Variants in KCNMB2 observed in about 807,000 individuals in gnomAD.
KCNMB2 encodes potassium calcium-activated channel subfamily M regulatory beta subunit 2.
A neutral mutation model predicts 24.5 loss-of-function variants in KCNMB2; 9 were observed. That is an observed-to-expected ratio of 0.37 (90% CI 0.22 to 0.64). KCNMB2 has a LOEUF of 0.64. Among genes scored for constraint, KCNMB2 ranks in the 30% least tolerant of loss-of-function variants. The pLI is 0.63. For synonymous variants in KCNMB2, 109 were observed against 104.4 expected, an observed-to-expected ratio of 1.04 and a Z score of -0.27; for missense variants, 226 against 284.3, an observed-to-expected ratio of 0.79 and a Z score of 1.47.
At chr3:178,594,051 CT>C (rs1346820232) in intron 1 of KCNMB2, among the ~76,000 whole-genome samples, 2 of 151,794 alleles carry the variant, frequency 1.3e-5, no homozygotes, top group Admixed American at 6.6e-5. Context: ...TCCCTCCCTC[CT>C]TACCTACCCA....
chr3:178,784,620 A>G (rs147874728), intron 1 of KCNMB2, among the ~76,000 whole-genome samples: 2 of 152,218 alleles, frequency 1.3e-5, no homozygotes, highest in African/African-American at 4.8e-5. Context: ...AATACTTCTC[A>G]AGAGTCTTTC....
At position 178,784,286 on chromosome 3, in the gene KCNMB2, A is replaced by AT. The variant is rs554538236; in HGVS notation, c.-67-23056dup. Reference sequence around the variant, plus strand: ...GCTATTACAACCTTCATTTTTACAGATAAGGACATTGAGATTCAGAGGTTA... The same window carrying AT: ...GCTATTACAACCTTCATTTTTACAGATTAAGGACATTGAGATTCAGAGGTTA... On this transcript the variant is annotated intron_variant, in intron 1 of 4. Coordinates refer to ENST00000452583, the MANE Select transcript of KCNMB2 (RefSeq NM_181361.3). Among the ~76,000 whole-genome samples the AT allele has an allele frequency of 3.3e-4, 51 of 152,306 alleles. 1 individual carries two copies. In the East Asian group the frequency reaches 9.4e-3, roughly 28 times the overall value.
At chr3:178,729,527 T>C (rs1199682810) in intron 1 of KCNMB2, 2 of 152,232 alleles carry the variant, frequency 1.3e-5, no homozygotes, top group African/African-American at 4.8e-5. Context: ...AGGTTCCTGC[T>C]ATCTTGACTT....
At chr3:178,614,495 A>G (rs1158338947) in intron 1 of KCNMB2, among the ~76,000 whole-genome samples, 1 of 151,166 alleles carries the variant, frequency 6.6e-6, no homozygotes, top group East Asian at 2.0e-4. Flanking sequence ...AAACCATCAT[A>G]TCTCATGAGA....
intron 1 of KCNMB2, among the ~76,000 whole-genome samples, chr3:178,691,781 T>C (rs1043771317): frequency 2.0e-5 from 3 of 151,940 alleles, no homozygotes. Context: ...CTAGTAATTG[T>C]TGGGTGGAAT....
In KCNMB2 at chr3:178,757,291, GAT is replaced by G. The variant is rs10693232; in HGVS notation, c.-67-50037_-67-50036del. On this transcript the variant is annotated intron_variant, in intron 1 of 4. Transcript: ENST00000452583. ...GTGTGTGTATACATATATCCAAGAG[GAT>G]ATATATATATATATCCATCCAAGAG... Among the ~76,000 whole-genome samples, 80 of 67,042 alleles carry G rather than the reference GAT, an allele frequency of 1.2e-3. 2 individuals carry two copies. Among genetic ancestry groups the G allele is most frequent in the East Asian group, 2.3e-3 (7 of 3,060 alleles). 44.0% of individuals were successfully genotyped at this position (67,042 alleles called of 152,430 possible).
chr3:178,584,856 G>T (rs1717366189), intron 1 of KCNMB2, among the ~76,000 whole-genome samples: 1 of 152,046 alleles, frequency 6.6e-6, no homozygotes, highest in Admixed American at 6.6e-5. Context: ...TATCACACCT[G>T]CTATTTTTTC....
intron 1 of KCNMB2, among the ~76,000 whole-genome samples, chr3:178,605,677 T>G (rs1718246222): frequency 6.6e-6 from 1 of 152,134 alleles, no homozygotes; most frequent in African/African-American, 2.4e-5. Flanking sequence ...ATGAGGAATA[T>G]TTTATTGGAA....
rs545682463 is a variant in KCNMB2, at chr3:178,623,732, A to T, written c.-68+87021A>T. ...GTTTTTGTTTATTGTTTCCCTCTGC[A>T]TCAACTCCTCCTGTTTTGGAAACAT... On this transcript the variant is annotated intron_variant, in intron 1 of 4. Transcript: ENST00000452583. 3.9e-5 allele frequency among the ~76,000 whole-genome samples: 6 copies of T among 152,320 alleles called. No homozygotes were observed. The South Asian group carries it at 1.2e-3, about 32-fold the overall frequency.
intron 1 of KCNMB2, among the ~76,000 whole-genome samples, chr3:178,631,474 C>T (rs534020709): frequency 6.6e-6 from 1 of 152,266 alleles, no homozygotes; most frequent in Non-Finnish European, 1.5e-5. Context: ...TACTCAGCTT[C>T]CGCCTATGCG....
chr3:178,756,644 T>A (rs576887068), intron 1 of KCNMB2, among the ~76,000 whole-genome samples: 2 of 152,264 alleles, frequency 1.3e-5, no homozygotes, highest in South Asian at 4.1e-4. Flanking sequence ...TCAGGCATCA[T>A]CTCATGAATC....
chr3:178,833,859 A>G, intron 4 of KCNMB2, among the ~76,000 whole-genome samples: 1 of 152,120 alleles, frequency 6.6e-6, no homozygotes, highest in East Asian at 1.9e-4. Context: ...GCTCTCCTGG[A>G]GCCACTGGCT....
chr3:178,605,919 A>G (rs1015063296), intron 1 of KCNMB2, among the ~76,000 whole-genome samples: 1 of 152,232 alleles, frequency 6.6e-6, no homozygotes, highest in African/African-American at 2.4e-5. Flanking sequence ...CTAAACTTAA[A>G]GATTTGGAAA....
intron 1 of KCNMB2, among the ~76,000 whole-genome samples, chr3:178,632,724 T>TGG (rs1719365799): frequency 6.6e-6 from 1 of 152,080 alleles, no homozygotes; most frequent in South Asian, 2.1e-4. Context: ...TCCTCACATT[T>TGG]CAAAACACAA....
chr3:178,564,906 G>A (rs540001921), intron 1 of KCNMB2, among the ~76,000 whole-genome samples: 2 of 151,932 alleles, frequency 1.3e-5, no homozygotes, highest in African/African-American at 4.8e-5. Flanking sequence ...AATTTTGGAG[G>A]CAACCTAACA....
At chr3:178,689,504 T>G (rs1721592602) in intron 1 of KCNMB2, among the ~76,000 whole-genome samples, 1 of 151,856 alleles carries the variant, frequency 6.6e-6, no homozygotes. Context: ...GGCGTGGTGG[T>G]GGGCGCCTGT....
chr3:178,802,216 A>G (rs1029669902), intron 1 of KCNMB2, among the ~76,000 whole-genome samples: 1 of 152,120 alleles, frequency 6.6e-6, no homozygotes, highest in Non-Finnish European at 1.5e-5. Flanking sequence ...GCAACCCTAA[A>G]TTTCTGTGCT....
At chr3:178,790,872 C>A (rs989406684) in intron 1 of KCNMB2, among the ~76,000 whole-genome samples, 20 of 152,352 alleles carry the variant, frequency 1.3e-4, no homozygotes, top group African/African-American at 3.8e-4. Flanking sequence ...AGTATCTCTA[C>A]AAGTCTGCAA....
intron 1 of KCNMB2, among the ~76,000 whole-genome samples, chr3:178,754,751 A>G (rs1577151518): frequency 6.6e-6 from 1 of 152,350 alleles, no homozygotes; most frequent in East Asian, 1.9e-4. Flanking sequence ...TCAAGGTCAC[A>G]CTACTGTAGC....
Sources: allele counts gnomAD v4.1 joint callset (sites outside exome capture counted in the v4.1 genomes callset), GRCh38; gene constraint gnomAD v4.1.1; transcripts MANE v1.5; gene names NCBI Gene and HGNC (gene_info 2026-07-23, HGNC 2026-07-21).